The following RABGAP1L variants were observed in gnomAD, a reference collection of about 807,000 sequenced individuals.
The protein encoded by RABGAP1L is RAB GTPase activating protein 1 like.
RABGAP1L carries 63 observed loss-of-function variants against 137.7 expected under a neutral mutation model. The ratio of observed to expected loss-of-function variants is 0.46; its 90% CI spans 0.37 to 0.56. The LOEUF is 0.56. RABGAP1L is among the 20% of genes least tolerant of loss of function. The pLI is 0.00. For missense variants in RABGAP1L, 1,095 were observed against 1,244.0 expected, an observed-to-expected ratio of 0.88 and a Z score of 1.80; for synonymous variants, 431 against 433.7, an observed-to-expected ratio of 0.99 and a Z score of 0.08.
In RABGAP1L at chr1:174,870,001, A is replaced by C. The variant is rs146275955; in HGVS notation, c.2340+58041A>C. Among the ~76,000 whole-genome samples the C allele has an allele frequency of 2.6e-5, 4 of 152,328 alleles. No homozygotes were observed. The East Asian group carries it at 7.7e-4, about 29-fold the overall frequency. ...ATTTTATTCTAGTAGCAGCCCAAAC[A>C]GACTAAGACAGTCACATAGCCAGTG... On this transcript the variant is annotated intron_variant, in intron 19 of 25. Transcript: ENST00000681986.
intron 13 of RABGAP1L, among the ~76,000 whole-genome samples, chr1:174,620,537 A>G (rs1320335598): frequency 1.3e-5 from 2 of 152,054 alleles, no homozygotes; most frequent in Non-Finnish European, 2.9e-5. Flanking sequence ...AATGACTGCC[A>G]GGTACATAAC....
intron 19 of RABGAP1L, among the ~76,000 whole-genome samples, chr1:174,880,446 T>C (rs546401930): frequency 6.6e-6 from 1 of 151,242 alleles, no homozygotes; most frequent in South Asian, 2.1e-4. Context: ...AAGACCAGCG[T>C]AGGCAACATA....
At chr1:174,645,745 G>A (rs1280988198) in intron 14 of RABGAP1L, among the ~76,000 whole-genome samples, 5 of 152,048 alleles carry the variant, frequency 3.3e-5, no homozygotes, top group African/African-American at 9.7e-5. Context: ...GTAATGGGGT[G>A]GCTGGGTCAA....
At chr1:174,180,508 A>G (rs1666264469) in intron 1 of RABGAP1L, among the ~76,000 whole-genome samples, 1 of 152,168 alleles carries the variant, frequency 6.6e-6, no homozygotes, top group Non-Finnish European at 1.5e-5. Flanking sequence ...TCTGTCACCT[A>G]CCTTAGAGTA....
chr1:174,454,094 CT>C (rs1489803624), intron 13 of RABGAP1L, among the ~76,000 whole-genome samples: 1 of 152,076 alleles, frequency 6.6e-6, no homozygotes, highest in Non-Finnish European at 1.5e-5. Context: ...GAAATCCCAT[CT>C]CTACTAAAAA....
intron 13 of RABGAP1L, among the ~76,000 whole-genome samples, chr1:174,454,551 ATT>A (rs202016873): frequency 1.7e-4 from 23 of 132,774 alleles, no homozygotes; most frequent in Non-Finnish European, 1.4e-4. Context: ...TCACTGTAGG[ATT>A]TTTTTTTTTT....
intron 13 of RABGAP1L, among the ~76,000 whole-genome samples, chr1:174,605,179 A>G (rs993313805): frequency 2.7e-5 from 4 of 150,158 alleles, no homozygotes; most frequent in Non-Finnish European, 4.4e-5. Context: ...AAACAAACAA[A>G]CGAAACTCCT....
intron 1 of RABGAP1L, among the ~76,000 whole-genome samples, chr1:174,196,061 T>A (rs1447587657): frequency 6.6e-6 from 1 of 151,682 alleles, no homozygotes; most frequent in Non-Finnish European, 1.5e-5. Flanking sequence ...GGTCTGGGTC[T>A]CCTGACCTCG....
intron 8 of RABGAP1L, 99 bp from the exon 9 acceptor site, chr1:174,275,729 TTAATC>T (rs1441306842): frequency 3.6e-5 from 27 of 758,500 alleles, no homozygotes; most frequent in Non-Finnish European, 5.2e-5. Context: ...TGCTTGACTG[TTAATC>T]TAAATTTTAA....
At chr1:174,801,399 A>G (rs1688747644) in intron 18 of RABGAP1L, among the ~76,000 whole-genome samples, 1 of 152,116 alleles carries the variant, frequency 6.6e-6, no homozygotes. Flanking sequence ...TCTCTCCTAT[A>G]TCTCCCTTCA....
At chr1:174,616,712 A>T (rs761612179) in intron 13 of RABGAP1L, among the ~76,000 whole-genome samples, 24 of 152,220 alleles carry the variant, frequency 1.6e-4, no homozygotes, top group Non-Finnish European at 2.5e-4. Flanking sequence ...AATAAAAAGG[A>T]TACTTGACTA....
At chr1:174,837,210 A>G (rs1023317305) in intron 19 of RABGAP1L, among the ~76,000 whole-genome samples, 1 of 145,494 alleles carries the variant, frequency 6.9e-6, no homozygotes, top group African/African-American at 2.7e-5. Context: ...TCGGTCTCAA[A>G]AAAAAAAAAA....
At chr1:174,550,778 G>T (rs1449988213) in intron 13 of RABGAP1L, among the ~76,000 whole-genome samples, 3 of 147,490 alleles carry the variant, frequency 2.0e-5, no homozygotes, top group Non-Finnish European at 3.0e-5. Flanking sequence ...CCAGCACTTT[G>T]GGAGGCCAAG....
chr1:174,731,655 C>T (rs1000503752), intron 17 of RABGAP1L, among the ~76,000 whole-genome samples: 4 of 152,172 alleles, frequency 2.6e-5, no homozygotes, highest in African/African-American at 9.7e-5. Flanking sequence ...CACAGTCATT[C>T]GTAGACTCAC....
intron 13 of RABGAP1L, among the ~76,000 whole-genome samples, chr1:174,561,643 A>G (rs551431397): frequency 1.3e-5 from 2 of 152,306 alleles, no homozygotes; most frequent in Middle Eastern, 3.4e-3. Context: ...ACAGCATGGT[A>G]CTGGTACCAA....
rs970163011 is a variant in RABGAP1L, at chr1:174,301,121, G to A, written c.1324-3865G>A. The stretch of plus-strand genomic sequence containing the variant: ...CTGTGTATTCAACCTCTGGTTGGAG[G>A]TGGGGTGTGAGCAAGCAAGTGTGGG... On this transcript the variant is annotated intron_variant, in intron 10 of 25. Transcript: ENST00000681986. 6.8e-4 allele frequency among the ~76,000 whole-genome samples: 103 copies of A among 152,156 alleles called. 1 individual carries two copies. The highest frequency in any genetic ancestry group is 2.3e-3 in the African/African-American group (95 of 41,544).
At position 174,297,676 on chromosome 1, in the gene RABGAP1L, A is replaced by G. The variant is rs552418096; in HGVS notation, c.1324-7310A>G. Among the ~76,000 whole-genome samples, 138 of 152,276 alleles carry G rather than the reference A, an allele frequency of 9.1e-4. 2 individuals are homozygous for G. In the Middle Eastern group the frequency reaches 0.014, roughly 15 times the overall value. Reference sequence around the variant, plus strand: ...AATGGCAGAGCTCCCTCAGAGACCTATCTAAGGGTTTCCAGCAGAAGGGGC... The same window carrying G: ...AATGGCAGAGCTCCCTCAGAGACCTGTCTAAGGGTTTCCAGCAGAAGGGGC... On this transcript the variant is annotated intron_variant, in intron 10 of 25. Coordinates refer to ENST00000681986, the MANE Select transcript of RABGAP1L (RefSeq NM_001366446.1).
intron 12 of RABGAP1L, 59 bp from the exon 13 acceptor site, chr1:174,393,936 C>T: frequency 6.4e-7 from 1 of 1,561,138 alleles, no homozygotes; most frequent in South Asian, 1.2e-5. Context: ...CTTTTCATGG[C>T]AACAGCAGTT....
intron 14 of RABGAP1L, among the ~76,000 whole-genome samples, chr1:174,659,445 G>A (rs551447115): frequency 6.3e-4 from 96 of 152,124 alleles, no homozygotes; most frequent in African/African-American, 2.0e-3. Flanking sequence ...CAGCACCATC[G>A]TGCACTGTTG....
Sources: gnomAD v4.1 joint callset for allele counts (sites outside exome capture counted in the v4.1 genomes callset) on GRCh38, gnomAD v4.1.1 for gene constraint, MANE v1.5 for transcripts, NCBI Gene and HGNC (gene_info 2026-07-23, HGNC 2026-07-21) for gene names.